PTPRU: variants seen among roughly 807,000 people sequenced by gnomAD.
PTPRU encodes protein tyrosine phosphatase receptor type U.
PTPRU carries 69 observed loss-of-function variants against 166.3 expected under a neutral mutation model. The ratio of observed to expected loss-of-function variants is 0.41; its 90% CI spans 0.34 to 0.51. PTPRU has a LOEUF of 0.51. Among genes scored for constraint, PTPRU ranks in the 20% least tolerant of loss-of-function variants. The pLI, the probability that PTPRU is intolerant of heterozygous loss-of-function variation, is 0.09. For synonymous variants in PTPRU, 793 were observed against 814.0 expected (o/e 0.97, Z 0.44); for missense variants, 1,657 against 2,013.7 (o/e 0.82, Z 3.39).
rs546847350 is a variant in PTPRU, at chr1:29,258,848, G to C, written c.477+72G>C. 7.4e-4 allele frequency: 1,123 copies of C among 1,513,172 alleles called. 4 individuals are homozygous for C. Among genetic ancestry groups the C allele is most frequent in the Non-Finnish European group, 8.6e-4 (979 of 1,132,406 alleles). 93.7% of individuals were successfully genotyped at this position (1,513,172 alleles called of 1,614,324 possible). A position where few individuals can be genotyped will look rare whatever the true frequency, so the allele number is the denominator to read the frequency against. On this transcript the variant is annotated intron_variant, in intron 3 of 29. Coordinates refer to ENST00000373779, the MANE Select transcript of PTPRU (RefSeq NM_133178.4). The stretch of plus-strand genomic sequence containing the variant: ...AGATGGATGTCAAATTGAGGTTGGA[G>C]TAGATGAGTGGCTGAAGTTAGAATG...
Position 29,315,983 on chromosome 1 carries a change from TTCTCA to T in PTPRU, c.3364-14_3364-10del. The T allele has an allele frequency of 6.2e-7, 1 of 1,613,678 alleles. No individual in the cohort carries two copies. The highest frequency in any genetic ancestry group is 1.1e-5 in the South Asian group (1 of 91,012). ...GCTTCTAGGCCCCTCCTCGGCCTCA[TTCTCA>T]TCTCCTGTTCCAGGAGCAGTACATC... On this transcript the variant is annotated splice_polypyrimidine_tract_variant and intron_variant, in intron 23 of 29. Coordinates refer to ENST00000373779, the MANE Select transcript of PTPRU (RefSeq NM_133178.4). This position sits in a 1 kb window ranked among gnomAD's most constrained non-coding sequence, Gnocchi z 4.5.
At chr1:29,262,816 T>C (rs1685127854) in intron 7 of PTPRU, among the ~76,000 whole-genome samples, 1 of 152,096 alleles carries the variant, frequency 6.6e-6, no homozygotes, top group African/African-American at 2.4e-5. Flanking sequence ...GAAGGAAATT[T>C]TGTACTCTTT....
rs115759547 is a variant in PTPRU, at chr1:29,324,690, C to T, written c.4113-501C>T. Among the ~76,000 whole-genome samples the T allele has an allele frequency of 8.0e-3, 1,211 of 152,294 alleles. 19 individuals are homozygous for T. Among genetic ancestry groups the T allele is most frequent in the African/African-American group, 0.028 (1,147 of 41,560 alleles). ...GTCTGGCCTCCTTTCTCTCAGAATC[C>T]GCAGTCTGTTTCGCCTTGAGAATAT... On this transcript the variant is annotated intron_variant, in intron 28 of 29. Transcript: ENST00000373779.
intron 3 of PTPRU, among the ~76,000 whole-genome samples, 154 bp from the exon 4 acceptor site, chr1:29,259,107 C>T (rs553227035): frequency 3.7e-4 from 57 of 152,318 alleles, no homozygotes; most frequent in Admixed American, 1.2e-3. Context: ...GGACCCCACC[C>T]CCAACTAGCT....
chr1:29,246,758 G>A (rs975019607), intron 1 of PTPRU, among the ~76,000 whole-genome samples: 7 of 152,122 alleles, frequency 4.6e-5, no homozygotes, highest in Non-Finnish European at 2.9e-5. Context: ...TGGGATTACA[G>A]GCATGTGCCA....
At chr1:29,283,814 T>C in intron 12 of PTPRU, 126 bp from the exon 13 acceptor site, 1 of 1,135,696 alleles carries the variant, frequency 8.8e-7, no homozygotes. Flanking sequence ...GGGTGGGGTG[T>C]CCCTTGATGC....
intron 18 of PTPRU, among the ~76,000 whole-genome samples, chr1:29,306,942 G>A (rs1687416637): frequency 1.3e-5 from 2 of 151,986 alleles, no homozygotes. Flanking sequence ...GCTCCTCTTG[G>A]GCCCTGGCAG....
Position 29,320,639 on chromosome 1 carries a change from C to T in PTPRU, c.3688-46C>T. The stretch of plus-strand genomic sequence containing the variant: ...GCCTGGGGCAGAGGCTCAGCCCAGG[C>T]CAGGGGCCGGGAACAGGGCCCTGCT... On this transcript the variant is annotated intron_variant, in intron 25 of 29. Transcript: ENST00000373779. The surrounding 1 kb of genome is among the most constrained non-coding windows in gnomAD (Gnocchi z 5.2). The T allele has an allele frequency of 5.9e-6, 9 of 1,515,250 alleles. No individual in the cohort carries two copies. The highest frequency in any genetic ancestry group is 8.0e-6 in the Non-Finnish European group (9 of 1,121,572). The allele number at this position is 1,515,250 out of a possible 1,614,324, so 93.9% of individuals were successfully genotyped here. A position where few individuals can be genotyped will look rare whatever the true frequency, so the allele number is the denominator to read the frequency against.
At chr1:29,293,471 G>GTTTTTTTTTTT (rs201996423) in intron 15 of PTPRU, among the ~76,000 whole-genome samples, 1 of 135,314 alleles carries the variant, frequency 7.4e-6, no homozygotes. Flanking sequence ...TTCGGGGGTA[G>GTTTTTTTTTTT]TTTTTTGTTT....
chr1:29,260,247 AG>A lies in PTPRU; in HGVS notation c.850+208del. The stretch of plus-strand genomic sequence containing the variant: ...GATCTAGGGGTCGGGGCTGGCTTCG[AG>A]GGGGACGGACAGGGTCAAGGTGAGA... On this transcript the variant is annotated intron_variant, in intron 6 of 29. Transcript: ENST00000373779. The surrounding 1 kb of genome is among the most constrained non-coding windows in gnomAD (Gnocchi z 8.3). 1 of 564,378 alleles carries A rather than the reference AG, an allele frequency of 1.8e-6. No homozygotes were observed. Among genetic ancestry groups the A allele is most frequent in the Non-Finnish European group, 2.8e-6 (1 of 360,062 alleles). 35.0% of individuals were successfully genotyped at this position (564,378 alleles called of 1,614,324 possible).
rs1684992934 is a variant in PTPRU at position 29,260,239 on chromosome 1, T to G, written c.850+195T>G. Reference sequence around the variant, plus strand: ...TGAGATCTGATCTAGGGGTCGGGGCTGGCTTCGAGGGGGACGGACAGGGTC... The same window carrying G: ...TGAGATCTGATCTAGGGGTCGGGGCGGGCTTCGAGGGGGACGGACAGGGTC... On this transcript the variant is annotated intron_variant, in intron 6 of 29. Coordinates refer to ENST00000373779, the MANE Select transcript of PTPRU (RefSeq NM_133178.4). This position sits in a 1 kb window ranked among gnomAD's most constrained non-coding sequence, Gnocchi z 8.3. 1 of 618,414 alleles carries G rather than the reference T, an allele frequency of 1.6e-6. No individual in the cohort carries two copies. Among genetic ancestry groups the G allele is most frequent in the Non-Finnish European group, 2.5e-6 (1 of 406,480 alleles). The allele number at this position is 618,414 out of a possible 1,614,324, so 38.3% of individuals were successfully genotyped here.
chr1:29,259,603 G>GGGGGT, intron 5 of PTPRU, 39 bp downstream of exon 5: 1 of 1,292,120 alleles, frequency 7.7e-7, no homozygotes, highest in Non-Finnish European at 1.1e-6. Context: ...GGCGGGGTGG[G>GGGGGT]AGGGGGTTGG....
In PTPRU at chr1:29,260,142, T is replaced by TG; in HGVS notation, c.850+102dup. The TG allele has an allele frequency of 2.0e-6, 1 of 508,758 alleles. No individual in the cohort carries two copies. The highest frequency in any genetic ancestry group is 2.7e-6 in the Non-Finnish European group (1 of 376,744). 31.5% of individuals were successfully genotyped at this position (508,758 alleles called of 1,614,324 possible). A position where few individuals can be genotyped will look rare whatever the true frequency, so the allele number is the denominator to read the frequency against. On this transcript the variant is annotated intron_variant, in intron 6 of 29. Transcript: ENST00000373779. This position sits in a 1 kb window ranked among gnomAD's most constrained non-coding sequence, Gnocchi z 8.3. ...TGCCCGGGGGCGTGGCCGTGGGGGG[T>TG]GGGGCCGGCAGGGTGTCGCTGGGGC...
intron 7 of PTPRU, among the ~76,000 whole-genome samples, chr1:29,261,552 CAG>C (rs1685066195): frequency 6.6e-6 from 1 of 152,110 alleles, no homozygotes; most frequent in Non-Finnish European, 1.5e-5. Flanking sequence ...CCTTTTGAGA[CAG>C]AGTTTTGCTC....
chr1:29,243,182 C>T (rs1684134773), intron 1 of PTPRU, among the ~76,000 whole-genome samples: 1 of 152,182 alleles, frequency 6.6e-6, no homozygotes, highest in Non-Finnish European at 1.5e-5. Flanking sequence ...GAGGCATGAG[C>T]CCCCGGGCCC....
In PTPRU at chr1:29,260,012, G is replaced by GGCCTGGGA; in HGVS notation, c.818_819insGCCTGGGA (p.Val274ProfsTer114). 1 of 1,484,864 alleles carries GGCCTGGGA rather than the reference G, an allele frequency of 6.7e-7. No individual in the cohort carries two copies. Among genetic ancestry groups the GGCCTGGGA allele is most frequent in the Non-Finnish European group, 8.9e-7 (1 of 1,125,174 alleles). 92.0% of individuals were successfully genotyped at this position (1,484,864 alleles called of 1,614,324 possible). ...GTGTCCCAGGCCCCGCGCGGCGCGG[G>GGCCTGGGA]CGTCTCTAACTTCGCGGAGCTCATC... On this transcript the variant is annotated frameshift_variant, in exon 6 of 30. Transcript: ENST00000373779. LOFTEE classifies it high-confidence loss of function. The surrounding 1 kb of genome is among the most constrained non-coding windows in gnomAD (Gnocchi z 8.3).
chr1:29,282,983 T>C (rs1686150692), intron 12 of PTPRU, 34 bp downstream of exon 12: 5 of 1,587,546 alleles, frequency 3.1e-6, no homozygotes, highest in Non-Finnish European at 4.3e-6. Context: ...GTGGGCGTGG[T>C]TGGGTGTGGG....
At position 29,292,017 on chromosome 1, in the gene PTPRU, A is replaced by G; in HGVS notation, c.2467A>G (p.Ser823Gly). The change falls in exon 15 of 30, where the codon AGC (serine) becomes GGC (glycine). Residue 823 changes from serine (S) to glycine (G), a missense_variant. By Grantham distance (56) the Ser-to-Gly change is moderately conservative. This residue lies in a region of PTPRU where 1,190 missense variants were observed against 1,477.4 expected (regional missense o/e 0.81). Coordinates refer to ENST00000373779, the MANE Select transcript of PTPRU (RefSeq NM_133178.4). ...GTCCTTCATGGACACCCATGGCTAC[A>G]GCACCCGGGGTGAGTGCCCGGCCCT... The part of the protein sequence containing the change: ...GLSFMDTHGY[S>G]TRGDQRSGGV... 2 of 1,614,084 alleles carry G rather than the reference A, an allele frequency of 1.2e-6. No homozygotes were observed. Among genetic ancestry groups the G allele is most frequent in the East Asian group, 2.2e-5 (1 of 44,864 alleles).
chr1:29,300,679 A>T (rs369513333), intron 15 of PTPRU, among the ~76,000 whole-genome samples: 1 of 152,238 alleles, frequency 6.6e-6, no homozygotes, highest in African/African-American at 2.4e-5. Context: ...CAGCTAAAAT[A>T]TAGGAATCAA....
Sources: gnomAD v4.1 joint callset for allele counts (sites outside exome capture counted in the v4.1 genomes callset) on GRCh38, gnomAD v4.1.1 for gene constraint, gnomAD v4.1.1 regional missense constraint, Gnocchi (gnomAD v3.1) non-coding constraint, MANE v1.5 for transcripts, NCBI Gene and HGNC (gene_info 2026-07-23, HGNC 2026-07-21) for gene names.